The following SLC33A1 variants were observed in gnomAD, a reference collection of about 807,000 sequenced individuals.
SLC33A1 encodes acetyl-coenzyme A transporter 1.
SLC33A1 carries 20 observed loss-of-function variants against 50.0 expected under a neutral mutation model. The observed-to-expected ratio is 0.40, with a 90% CI of 0.28 to 0.58. The LOEUF (loss-of-function observed/expected upper bound fraction) is 0.58. SLC33A1 is among the 20% of genes least tolerant of loss of function. The pLI is 0.44. For missense variants in SLC33A1, 476 were observed against 657.0 expected (o/e 0.72, Z 3.01); for synonymous variants, 265 against 251.8 (o/e 1.05, Z -0.50).
At chr3:155,833,743 AT>A in intron 3 of SLC33A1, 113 bp downstream of exon 3, 1 of 1,007,628 alleles carries the variant, frequency 9.9e-7, no homozygotes, top group Non-Finnish European at 1.5e-6. Flanking sequence ...TTGAAAAAAG[AT>A]GCTTTTCAAA....
chr3:155,834,126 C>G lies in SLC33A1; in HGVS notation c.964-85G>C, dbSNP rs1752563066. On this transcript the variant is annotated intron_variant, in intron 2 of 5. Coordinates refer to ENST00000643144, the MANE Select transcript of SLC33A1 (RefSeq NM_004733.4). ...GCATATGTAAGTTCTTCAAGAACCT[C>G]AATTTTATTACTGACCCATGACAGT... 5 of 988,978 alleles carry G rather than the reference C, an allele frequency of 5.1e-6. No homozygotes were observed. In the East Asian group the frequency reaches 1.3e-4, roughly 25 times the overall value. 61.3% of individuals were successfully genotyped at this position (988,978 alleles called of 1,614,324 possible). A position where few individuals can be genotyped will look rare whatever the true frequency, so the allele number is the denominator to read the frequency against.
At chr3:155,833,316 G>T in intron 4 of SLC33A1, 152 bp downstream of exon 4, 1 of 693,126 alleles carries the variant, frequency 1.4e-6, no homozygotes, top group Middle Eastern at 3.7e-4. Context: ...TAAGTGAAAA[G>T]TCATAAAGTT....
Position 155,853,812 on chromosome 3 carries a change from T to C in SLC33A1, c.186A>G (p.Leu62=). 6.2e-7 allele frequency: 1 copy of C among 1,611,602 alleles called. No individual in the cohort carries two copies. Among genetic ancestry groups the C allele is most frequent in the South Asian group, 1.1e-5 (1 of 91,028 alleles). ...LLGDTGTGDF[L]KAPQSFRAEL... Reference sequence around the variant, plus strand: ...CGGCCCGGAAGCTCTGTGGGGCTTTTAAGAAGTCGCCAGTGCCGGTATCCC... The same window carrying C: ...CGGCCCGGAAGCTCTGTGGGGCTTTCAAGAAGTCGCCAGTGCCGGTATCCC... The change falls in exon 1 of 6, where the codon TTA becomes TTG. Residue 62 remains leucine, a synonymous_variant. Transcript: ENST00000643144.
In SLC33A1 at chr3:155,853,329, C is replaced by T. The variant is rs1243509793; in HGVS notation, c.669G>A (p.Ala223=). The T allele has an allele frequency of 6.8e-6, 11 of 1,613,880 alleles. No homozygotes were observed. The highest frequency in any genetic ancestry group is 4.0e-5 in the African/African-American group (3 of 74,888). Residue 223 remains alanine (A), a synonymous_variant, in exon 1 of 6, where the codon GCG becomes GCA. Coordinates refer to ENST00000643144, the MANE Select transcript of SLC33A1 (RefSeq NM_004733.4). ...ASTCNSVGQT[A]GYFLGNVLFL... ...ACAAAACATTGCCCAAAAAGTAACCCGCTGTTTGGCCCACCGAATTGCAAG... is the reference window on the plus strand; with the variant it reads ...ACAAAACATTGCCCAAAAAGTAACCTGCTGTTTGGCCCACCGAATTGCAAG...
Position 155,853,662 on chromosome 3 carries a change from G to A in SLC33A1, c.336C>T (p.Phe112=). The change falls in exon 1 of 6, where the codon TTC becomes TTT. Residue 112 remains phenylalanine, a synonymous_variant. Coordinates refer to ENST00000643144, the MANE Select transcript of SLC33A1 (RefSeq NM_004733.4). ...KNVSYTDQAF[F]SFVFWPFSLK... is the part of the protein sequence containing the mutation. ...GACTGAAGGGCCAAAAGACAAAACT[G>A]AAGAAAGCTTGGTCTGTATAGCTAA... The A allele has an allele frequency of 6.2e-7, 1 of 1,614,204 alleles. No homozygotes were observed. Among genetic ancestry groups the A allele is most frequent in the Non-Finnish European group, 8.5e-7 (1 of 1,180,034 alleles).
At position 155,821,807 on chromosome 3, in the gene SLC33A1, CTA is replaced by C. The variant is rs1317554290; in HGVS notation, c.*6401_*6402del. 1.4e-5 allele frequency: 2 copies of C among 146,066 alleles called. No homozygotes were observed. Among genetic ancestry groups the C allele is most frequent in the Non-Finnish European group, 3.0e-5 (2 of 67,276 alleles). The allele number at this position is 146,066 out of a possible 1,614,324, so 9.0% of individuals were successfully genotyped here. On this transcript the variant is annotated 3_prime_UTR_variant, in exon 6 of 6. Transcript: ENST00000643144. ...TTTTTAATTGAGACTGAGTCTCACTCTATTGCCCAGGCTGGAGAATAGTAGCA... is the reference window on the plus strand; with the variant it reads ...TTTTTAATTGAGACTGAGTCTCACTCTTGCCCAGGCTGGAGAATAGTAGCA...
At chr3:155,832,207 G>A (rs781240220) in intron 4 of SLC33A1, among the ~76,000 whole-genome samples, 5 of 151,888 alleles carry the variant, frequency 3.3e-5, no homozygotes, top group African/African-American at 7.3e-5. Context: ...GAGAAACCCC[G>A]TCTCTACTAA....
intron 1 of SLC33A1, among the ~76,000 whole-genome samples, chr3:155,846,454 C>CTT (rs34163073): frequency 1.6e-3 from 219 of 138,416 alleles, no homozygotes; most frequent in African/African-American, 5.4e-3. Context: ...CCCACACTTC[C>CTT]TTTTTTTTTT....
intron 1 of SLC33A1, among the ~76,000 whole-genome samples, chr3:155,843,757 T>A (rs147890678): frequency 3.3e-5 from 5 of 152,326 alleles, no homozygotes; most frequent in African/African-American, 1.2e-4. Context: ...GCTGTCCAAG[T>A]TACATTCTAA....
Position 155,853,839 on chromosome 3 carries a change from C to T in SLC33A1, c.159G>A (p.Leu53=). 2 of 1,604,698 alleles carry T rather than the reference C, an allele frequency of 1.2e-6. No individual in the cohort carries two copies. The highest frequency in any genetic ancestry group is 1.7e-6 in the Non-Finnish European group (2 of 1,174,884). ...AGAAGTCGCCAGTGCCGGTATCCCC[C>T]AGAAGAGCTTCTCTGTCCCCTTCCC... ...AGREGDREAL[L]GDTGTGDFLK... Residue 53 remains leucine (L), a synonymous_variant, in exon 1 of 6, where the codon CTG becomes CTA. Transcript: ENST00000643144.
At chr3:155,840,970 C>T (rs771783528) in intron 2 of SLC33A1, among the ~76,000 whole-genome samples, 3 of 151,482 alleles carry the variant, frequency 2.0e-5, no homozygotes, top group Admixed American at 1.3e-4. Context: ...GGTGACAGAG[C>T]GAGACTTTGT....
chr3:155,839,036 C>A (rs1752817218), intron 2 of SLC33A1, among the ~76,000 whole-genome samples: 1 of 151,704 alleles, frequency 6.6e-6, no homozygotes, highest in Admixed American at 6.6e-5. Flanking sequence ...CACCTGTAAT[C>A]CCAGCACTTT....
At chr3:155,849,468 TCTAA>T (rs1402704783) in intron 1 of SLC33A1, among the ~76,000 whole-genome samples, 1 of 152,070 alleles carries the variant, frequency 6.6e-6, no homozygotes, top group Non-Finnish European at 1.5e-5. Flanking sequence ...CTATAGGAAT[TCTAA>T]CTTTCAACTA....
At chr3:155,837,409 C>A (rs76962367) in intron 2 of SLC33A1, among the ~76,000 whole-genome samples, 7,331 of 151,426 alleles carry the variant, frequency 0.048, 242 homozygotes, top group Middle Eastern at 0.18. Context: ...ATGTGAAACT[C>A]CTTAAAATCA....
At chr3:155,840,896 A>C (rs1414884649) in intron 2 of SLC33A1, among the ~76,000 whole-genome samples, 1 of 152,090 alleles carries the variant, frequency 6.6e-6, no homozygotes, top group African/African-American at 2.4e-5. Flanking sequence ...GAGGCAGGAG[A>C]ATCGCTTGAA....
chr3:155,837,576 G>A (rs987667468), intron 2 of SLC33A1, among the ~76,000 whole-genome samples: 88 of 152,086 alleles, frequency 5.8e-4, no homozygotes, highest in African/African-American at 2.1e-3. Flanking sequence ...CAAAAGTCAC[G>A]TATGTGAATG....
chr3:155,848,598 T>C (rs947794332), intron 1 of SLC33A1, among the ~76,000 whole-genome samples: 5 of 152,076 alleles, frequency 3.3e-5, no homozygotes, highest in Non-Finnish European at 5.9e-5. Flanking sequence ...AGGAGAATGG[T>C]GTGAACCCTG....
At chr3:155,837,472 A>C (rs1444422087) in intron 2 of SLC33A1, among the ~76,000 whole-genome samples, 1 of 152,222 alleles carries the variant, frequency 6.6e-6, no homozygotes, top group Non-Finnish European at 1.5e-5. Flanking sequence ...CACTTTGGAA[A>C]ACTATTTGGC....
intron 4 of SLC33A1, among the ~76,000 whole-genome samples, chr3:155,831,839 C>G (rs1275947008): frequency 6.6e-6 from 1 of 152,170 alleles, no homozygotes; most frequent in African/African-American, 2.4e-5. Context: ...CTGACAGGAT[C>G]CACTACAGAT....
Sources: allele counts gnomAD v4.1 joint callset (sites outside exome capture counted in the v4.1 genomes callset), GRCh38; gene constraint gnomAD v4.1.1; transcripts MANE v1.5; gene names NCBI Gene and HGNC (gene_info 2026-07-23, HGNC 2026-07-21).